Variants in NUP210L observed in about 807,000 individuals in gnomAD.
NUP210L encodes nucleoporin 210 like.
Under a neutral mutation model 208.5 loss-of-function variants are expected in NUP210L, and 74 were observed. The observed-to-expected ratio is 0.35, with a 90% CI of 0.29 to 0.43. The LOEUF (loss-of-function observed/expected upper bound fraction) is 0.43. Among genes scored for constraint, NUP210L ranks in the 20% least tolerant of loss-of-function variants. NUP210L has a pLI of 1.00. For missense variants in NUP210L, 1,843 were observed against 2,289.4 expected (o/e 0.81, Z 3.98); for synonymous variants, 780 against 816.9 (o/e 0.95, Z 0.77).
exon 32 of NUP210L, chr1:154,022,146 G>A: frequency 6.2e-7 from 1 of 1,613,632 alleles, no homozygotes; most frequent in East Asian, 2.2e-5. Context: ...GACAAGGTGA[G>A]TACTGAAGCA....
intron 30 of NUP210L, among the ~76,000 whole-genome samples, chr1:154,024,922 G>GTTTTTTTTTTTTTTTTTTTTTTTT (rs71096508): frequency 1.2e-5 from 1 of 83,688 alleles, no homozygotes. Flanking sequence ...AGGCTGATCT[G>GTTTTTTTTTTTTTTTTTTTTTTTT]TTTTTTTTTT....
At chr1:154,019,409 C>A (rs1272120556) in intron 32 of NUP210L, among the ~76,000 whole-genome samples, 1 of 152,118 alleles carries the variant, frequency 6.6e-6, no homozygotes, top group East Asian at 1.9e-4. Flanking sequence ...TTGATGACAG[C>A]AAGAAGACTG....
rs1011969616 is a variant in NUP210L at position 154,155,082 on chromosome 1, C to G, written c.-38G>C. On this transcript the variant is annotated 5_prime_UTR_variant, in exon 1 of 40. Coordinates refer to ENST00000368559, the Ensembl canonical transcript of NUP210L. ...GTCTCGGGTTCCCGCTCAACTACAGCCGGCTCACAGCTCCATCAGCCAATC... is the reference window on the plus strand; with the variant it reads ...GTCTCGGGTTCCCGCTCAACTACAGGCGGCTCACAGCTCCATCAGCCAATC... 2.0e-6 allele frequency: 3 copies of G among 1,469,400 alleles called. No individual in the cohort carries two copies. The highest frequency in any genetic ancestry group is 1.9e-5 in the Admixed American group (1 of 51,316). 91.0% of individuals were successfully genotyped at this position (1,469,400 alleles called of 1,614,324 possible).
chr1:154,051,352 G>C (rs888891670), intron 25 of NUP210L, among the ~76,000 whole-genome samples: 12 of 152,100 alleles, frequency 7.9e-5, no homozygotes, highest in African/African-American at 2.9e-4. Context: ...TGGGACTACA[G>C]GCACCCGCTA....
chr1:153,998,388 C>T (rs1020204835), intron 37 of NUP210L, among the ~76,000 whole-genome samples: 5 of 151,800 alleles, frequency 3.3e-5, no homozygotes, highest in African/African-American at 1.2e-4. Context: ...AACCTTGCCT[C>T]TACTAAAAAT....
Position 154,012,294 on chromosome 1 carries a change from G to GTTGAA in NUP210L, c.4725_4729dup (p.Thr1577IlefsTer51). The GTTGAA allele has an allele frequency of 6.2e-7, 1 of 1,613,124 alleles. No individual in the cohort carries two copies. Among genetic ancestry groups the GTTGAA allele is most frequent in the Non-Finnish European group, 8.5e-7 (1 of 1,179,164 alleles). ...AGTGGTGATGAAGAGCTTGAATACA[G>GTTGAA]TTGAATTGAGGGTATTGGTGAGATA... is the stretch of plus-strand genomic sequence containing the variant. On this transcript the variant is annotated frameshift_variant, in exon 34 of 40. Transcript: ENST00000368559. LOFTEE classifies it high-confidence loss of function.
intron 12 of NUP210L, among the ~76,000 whole-genome samples, chr1:154,111,300 T>C (rs771232318): frequency 3.3e-5 from 5 of 151,454 alleles, no homozygotes; most frequent in Non-Finnish European, 5.9e-5. Context: ...TGAGAATCAC[T>C]TGAACCCAGG....
chr1:154,150,145 C>T (rs567585635), intron 2 of NUP210L, among the ~76,000 whole-genome samples: 20 of 151,318 alleles, frequency 1.3e-4, no homozygotes, highest in Non-Finnish European at 2.1e-4. Context: ...GAGGCTGAGG[C>T]GGGCAGATCA....
intron 16 of NUP210L, among the ~76,000 whole-genome samples, chr1:154,072,840 C>T (rs984668252): frequency 2.0e-5 from 3 of 152,110 alleles, no homozygotes; most frequent in Admixed American, 6.6e-5. Context: ...ATTGGAAAAA[C>T]CCTTCTAGAC....
intron 16 of NUP210L, among the ~76,000 whole-genome samples, chr1:154,076,108 T>TC (rs2148021905): frequency 6.7e-6 from 1 of 148,928 alleles, no homozygotes; most frequent in East Asian, 2.0e-4. Flanking sequence ...ACTTCTTTTT[T>TC]TTTTTTTTTT....
intron 21 of NUP210L, 141 bp from the exon 22 acceptor site, chr1:154,058,357 G>T: frequency 9.4e-7 from 1 of 1,067,796 alleles, no homozygotes; most frequent in Non-Finnish European, 1.3e-6. Flanking sequence ...CTTAATCTAT[G>T]TGTATTGTTT....
chr1:154,070,286 C>A, exon 17 of NUP210L: 3 of 1,600,116 alleles, frequency 1.9e-6, no homozygotes, highest in Non-Finnish European at 2.6e-6. Context: ...GTAACCGGGT[C>A]TGCCCACTGC....
At chr1:154,147,299 GA>G (rs1037605752) in intron 2 of NUP210L, among the ~76,000 whole-genome samples, 1 of 151,686 alleles carries the variant, frequency 6.6e-6, no homozygotes, top group Admixed American at 6.6e-5. Context: ...CTAATCATGA[GA>G]AAAAGTTAGA....
At chr1:154,022,327 T>C in exon 32 of NUP210L, 2 of 1,613,958 alleles carry the variant, frequency 1.2e-6, no homozygotes, top group Non-Finnish European at 1.7e-6. Flanking sequence ...CCTGGTCCAA[T>C]ATGCAGCAAG....
At chr1:154,110,982 A>G (rs1657012201) in intron 12 of NUP210L, among the ~76,000 whole-genome samples, 1 of 151,600 alleles carries the variant, frequency 6.6e-6, no homozygotes. Context: ...AAAAAAATAC[A>G]AAAGATCAAC....
intron 27 of NUP210L, among the ~76,000 whole-genome samples, chr1:154,037,263 T>C (rs545621399): frequency 3.9e-5 from 6 of 152,176 alleles, no homozygotes; most frequent in Non-Finnish European, 7.4e-5. Context: ...GGATGACCTG[T>C]CCAATGCTGA....
At chr1:154,031,401 A>G (rs1269347543) in intron 27 of NUP210L, among the ~76,000 whole-genome samples, 2 of 151,976 alleles carry the variant, frequency 1.3e-5, no homozygotes, top group Admixed American at 1.3e-4. Flanking sequence ...AGTTATTTTA[A>G]AATATACAAT....
intron 14 of NUP210L, 87 bp from the exon 15 acceptor site, chr1:154,095,243 G>T: frequency 1.0e-6 from 1 of 971,564 alleles, no homozygotes; most frequent in Non-Finnish European, 1.6e-6. Flanking sequence ...TGAATATGCT[G>T]CAAATGACGT....
intron 14 of NUP210L, among the ~76,000 whole-genome samples, chr1:154,096,227 C>T (rs979165262): frequency 2.0e-5 from 3 of 152,108 alleles, no homozygotes; most frequent in Non-Finnish European, 4.4e-5. Flanking sequence ...ATTCTAAAAA[C>T]GTAAGCAAAC....
Sources: gnomAD v4.1 joint callset for allele counts (sites outside exome capture counted in the v4.1 genomes callset) on GRCh38, gnomAD v4.1.1 for gene constraint, MANE v1.5 for transcripts, NCBI Gene and HGNC (gene_info 2026-07-23, HGNC 2026-07-21) for gene names.